The following CPPED1 variants were observed in gnomAD, a reference collection of about 807,000 sequenced individuals.
CPPED1 encodes the protein serine/threonine-protein phosphatase CPPED1.
Under a neutral mutation model 28.0 loss-of-function variants are expected in CPPED1, and 28 were observed. The ratio of observed to expected loss-of-function variants is 1.00; its 90% CI spans 0.74 to 1.37. The LOEUF (loss-of-function observed/expected upper bound fraction) is 1.37, where lower values mean the gene tolerates loss of function less well. CPPED1 is among the 40% of genes most tolerant of loss of function. The probability of loss-of-function intolerance (pLI) is 0.00; values close to 1 mark genes in which losing one functional copy is unlikely to be tolerated. For synonymous variants in CPPED1, 198 were observed against 180.2 expected, an observed-to-expected ratio of 1.10 and a Z score of -0.79; for missense variants, 504 against 416.5, an observed-to-expected ratio of 1.21 and a Z score of -1.83.
At chr16:12,674,701 G>C (rs186802677) in intron 3 of CPPED1, among the ~76,000 whole-genome samples, 34 of 152,270 alleles carry the variant, frequency 2.2e-4, no homozygotes, top group Non-Finnish European at 3.7e-4. Flanking sequence ...GAGAAGTTAA[G>C]AAACAAACAC....
At chr16:12,737,890 G>A (rs774960784) in intron 2 of CPPED1, among the ~76,000 whole-genome samples, 2 of 152,160 alleles carry the variant, frequency 1.3e-5, no homozygotes, top group African/African-American at 2.4e-5. Flanking sequence ...GGGGACCCCT[G>A]CCTGCAAAAC....
At chr16:12,748,990 C>T (rs2080309819) in intron 2 of CPPED1, among the ~76,000 whole-genome samples, 2 of 151,860 alleles carry the variant, frequency 1.3e-5, no homozygotes, top group Admixed American at 6.6e-5. Context: ...TCTGAGCCTT[C>T]AGTGAATCAC....
intron 3 of CPPED1, among the ~76,000 whole-genome samples, chr16:12,665,451 C>T (rs951476788): frequency 2.6e-5 from 4 of 152,020 alleles, no homozygotes; most frequent in Non-Finnish European, 5.9e-5. Context: ...AGAAAACAGC[C>T]TGAGTCCTAT....
At chr16:12,706,825 T>C (rs1244246766) in intron 2 of CPPED1, among the ~76,000 whole-genome samples, 1 of 152,156 alleles carries the variant, frequency 6.6e-6, no homozygotes, top group Non-Finnish European at 1.5e-5. Context: ...CAACTCCTGC[T>C]GCAGGGGTCA....
At chr16:12,745,001 T>TA (rs2080278160) in intron 2 of CPPED1, among the ~76,000 whole-genome samples, 2 of 151,532 alleles carry the variant, frequency 1.3e-5, no homozygotes, top group Non-Finnish European at 2.9e-5. Flanking sequence ...AATACAAAAG[T>TA]AAAAATAACA....
chr16:12,794,432 T>A (rs9674028), intron 1 of CPPED1, among the ~76,000 whole-genome samples: 6,328 of 147,224 alleles, frequency 0.043, 474 homozygotes, highest in African/African-American at 0.15. Context: ...AAAAAAAAAA[T>A]AGTGTCCTTC....
At chr16:12,703,434 G>T (rs1278251530) in intron 3 of CPPED1, among the ~76,000 whole-genome samples, 2 of 152,118 alleles carry the variant, frequency 1.3e-5, no homozygotes, top group African/African-American at 4.8e-5. Context: ...CACGTCCCGT[G>T]GCCTTGGGAA....
chr16:12,794,145 T>C (rs1017069135), intron 1 of CPPED1, among the ~76,000 whole-genome samples: 4 of 152,046 alleles, frequency 2.6e-5, no homozygotes, highest in Non-Finnish European at 5.9e-5. Flanking sequence ...GCTGCCAGAA[T>C]GGTATGCAGC....
intron 2 of CPPED1, among the ~76,000 whole-genome samples, chr16:12,707,965 G>T (rs2080060293): frequency 6.6e-6 from 1 of 152,096 alleles, no homozygotes; most frequent in Non-Finnish European, 1.5e-5. Flanking sequence ...TGGCCAACAT[G>T]GTGAAACCCC....
chr16:12,688,641 C>T (rs990220606), intron 3 of CPPED1, among the ~76,000 whole-genome samples: 6 of 152,196 alleles, frequency 3.9e-5, no homozygotes, highest in African/African-American at 1.4e-4. Flanking sequence ...CCAGCCCCTA[C>T]TCCACGACTT....
At chr16:12,743,731 C>T (rs1463656803) in intron 2 of CPPED1, among the ~76,000 whole-genome samples, 4 of 152,146 alleles carry the variant, frequency 2.6e-5, no homozygotes, top group Non-Finnish European at 5.9e-5. Flanking sequence ...CGGCTGAGCA[C>T]GGTGGCTCAC....
chr16:12,749,828 G>A (rs1567295179), intron 2 of CPPED1, among the ~76,000 whole-genome samples: 3 of 152,170 alleles, frequency 2.0e-5, no homozygotes, highest in Non-Finnish European at 2.9e-5. Context: ...GACCTCAAAT[G>A]AGCTGCCTGC....
At position 12,717,421 on chromosome 16, in the gene CPPED1, G is replaced by A. The variant is rs148926918; in HGVS notation, c.290-12372C>T. 5.5e-3 allele frequency among the ~76,000 whole-genome samples: 830 copies of A among 152,222 alleles called. 5 individuals are homozygous for A. The highest frequency in any genetic ancestry group is 0.031 in the Middle Eastern group (9 of 294). ...TGGGACTACAGGCGCCCGCCACTGC[G>A]CCTGGCTAATTTTTTTGTATTTTTA... On this transcript the variant is annotated intron_variant, in intron 2 of 3. Coordinates refer to ENST00000381774, the MANE Select transcript of CPPED1 (RefSeq NM_018340.3).
At chr16:12,667,590 T>C (rs1187051170) in intron 3 of CPPED1, among the ~76,000 whole-genome samples, 1 of 152,072 alleles carries the variant, frequency 6.6e-6, no homozygotes, top group African/African-American at 2.4e-5. Flanking sequence ...CCCATCTCTA[T>C]AAAAAATAGT....
intron 3 of CPPED1, among the ~76,000 whole-genome samples, chr16:12,702,341 G>A (rs887225847): frequency 6.6e-6 from 1 of 152,086 alleles, no homozygotes; most frequent in African/African-American, 2.4e-5. Flanking sequence ...TTAAAGCCCA[G>A]TGAGGTGCAA....
intron 3 of CPPED1, among the ~76,000 whole-genome samples, chr16:12,693,480 G>C (rs1261496986): frequency 1.3e-5 from 2 of 152,064 alleles, no homozygotes; most frequent in Non-Finnish European, 2.9e-5. Context: ...ACAGGGGTGA[G>C]TCTCTGTGCC....
intron 1 of CPPED1, among the ~76,000 whole-genome samples, chr16:12,796,224 T>C (rs2080626812): frequency 6.6e-6 from 1 of 152,088 alleles, no homozygotes; most frequent in South Asian, 2.1e-4. Context: ...CCAGGCACTG[T>C]GGCTCATGCC....
chr16:12,697,268 T>A (rs2079996447), intron 3 of CPPED1, among the ~76,000 whole-genome samples: 1 of 151,958 alleles, frequency 6.6e-6, no homozygotes, highest in Admixed American at 6.6e-5. Context: ...CAGGTGATAA[T>A]TAAATCATTT....
At chr16:12,688,064 CTG>C (rs1197188321) in intron 3 of CPPED1, among the ~76,000 whole-genome samples, 1 of 151,070 alleles carries the variant, frequency 6.6e-6, no homozygotes, top group Non-Finnish European at 1.5e-5. Flanking sequence ...GGGTCTTACT[CTG>C]TCTCCCAGGC....
Sources: allele counts gnomAD v4.1 joint callset (sites outside exome capture counted in the v4.1 genomes callset), GRCh38; gene constraint gnomAD v4.1.1; transcripts MANE v1.5; gene names NCBI Gene and HGNC (gene_info 2026-07-23, HGNC 2026-07-21).